Variants in GORAB observed in about 807,000 individuals in gnomAD.
GORAB encodes RAB6-interacting golgin.
A neutral mutation model predicts 29.9 loss-of-function variants in GORAB; 17 were observed. That is an observed-to-expected ratio of 0.57 (90% CI 0.39 to 0.85). The LOEUF (loss-of-function observed/expected upper bound fraction) is 0.85, where lower values mean the gene tolerates loss of function less well. GORAB is among the 40% of genes least tolerant of loss of function. GORAB has a pLI of 0.00. For synonymous variants in GORAB, 183 were observed against 157.2 expected, an observed-to-expected ratio of 1.16 and a Z score of -1.23; for missense variants, 442 against 437.8, an observed-to-expected ratio of 1.01 and a Z score of -0.09.
chr1:170,532,986 G>T (rs1022194292), intron 1 of GORAB, among the ~76,000 whole-genome samples: 1 of 152,106 alleles, frequency 6.6e-6, no homozygotes, highest in African/African-American at 2.4e-5. Context: ...TTTTGTTGTT[G>T]TGGAAGGAAT....
intron 1 of GORAB, chr1:170,532,488 C>T (rs1648755712): frequency 3.4e-6 from 2 of 584,366 alleles, no homozygotes; most frequent in South Asian, 1.9e-5. Flanking sequence ...GGACTGGGAT[C>T]TTCTTTTAGA....
chr1:170,532,237 G>A lies in GORAB; in HGVS notation c.14G>A (p.Trp5Ter), dbSNP rs761242807. The A allele has an allele frequency of 3.7e-6, 6 of 1,614,022 alleles. No homozygotes were observed. The highest frequency in any genetic ancestry group is 1.7e-5 in the Admixed American group (1 of 60,012). MAQG[W>*]AGFSEEELRR... is the part of the protein sequence containing the mutation. The stretch of plus-strand genomic sequence containing the variant: ...TGGCCCGGGCCGATGGCGCAAGGTT[G>A]GGCAGGATTCTCTGAGGAGGAACTG... The change falls in exon 1 of 5, where the codon TGG (tryptophan) becomes TAG (stop). Residue 5 changes from tryptophan to a stop codon, truncating the protein, a stop_gained. Coordinates refer to ENST00000367763, the MANE Select transcript of GORAB (RefSeq NM_152281.3). LOFTEE classifies it high-confidence loss of function.
At chr1:170,546,251 G>A (rs968526020) in intron 4 of GORAB, among the ~76,000 whole-genome samples, 5 of 152,060 alleles carry the variant, frequency 3.3e-5, no homozygotes, top group South Asian at 2.1e-4. Context: ...TTAGCTGGGC[G>A]TGGTGGTGGG....
chr1:170,545,021 T>G, intron 4 of GORAB, 176 bp downstream of exon 4: 1 of 1,341,760 alleles, frequency 7.5e-7, no homozygotes. Flanking sequence ...GAAGTCTTCC[T>G]TAACTCTGCC....
rs1007320609 is a variant in GORAB, at chr1:170,545,177, G to A, written c.662+332G>A. ...AGCATCTAGCAAAGTAAATATCTGAGTGGTTTCGCCAAAACTGTTACTCTG... is the reference window on the plus strand; with the variant it reads ...AGCATCTAGCAAAGTAAATATCTGAATGGTTTCGCCAAAACTGTTACTCTG... On this transcript the variant is annotated intron_variant, in intron 4 of 4. Coordinates refer to ENST00000367763, the MANE Select transcript of GORAB (RefSeq NM_152281.3). 40 of 1,020,784 alleles carry A rather than the reference G, an allele frequency of 3.9e-5. No homozygotes were observed. The African/African-American group carries it at 6.7e-4, about 17-fold the overall frequency. 63.2% of individuals were successfully genotyped at this position (1,020,784 alleles called of 1,614,324 possible). A position where few individuals can be genotyped will look rare whatever the true frequency, so the allele number is the denominator to read the frequency against.
At position 170,552,957 on chromosome 1, in the gene GORAB, T is replaced by C. The variant is rs1391772397; in HGVS notation, c.*495T>C. 1 of 451,620 alleles carries C rather than the reference T, an allele frequency of 2.2e-6. No individual in the cohort carries two copies. The highest frequency in any genetic ancestry group is 2.0e-5 in the African/African-American group (1 of 49,960). 28.0% of individuals were successfully genotyped at this position (451,620 alleles called of 1,614,324 possible). On this transcript the variant is annotated 3_prime_UTR_variant, in exon 5 of 5. Coordinates refer to ENST00000367763, the MANE Select transcript of GORAB (RefSeq NM_152281.3). Reference sequence around the variant, plus strand: ...AAAAAGTTGCAGGTTGAATTATCTATCTGGATATTACTAGAGTTGTAAAAC... The same window carrying C: ...AAAAAGTTGCAGGTTGAATTATCTACCTGGATATTACTAGAGTTGTAAAAC...
At chr1:170,543,864 GA>G (rs1649595175) in intron 3 of GORAB, among the ~76,000 whole-genome samples, 1 of 152,112 alleles carries the variant, frequency 6.6e-6, no homozygotes, top group African/African-American at 2.4e-5. Flanking sequence ...TGACGTAAAA[GA>G]ATCATACTGT....
intron 3 of GORAB, chr1:170,544,499 T>A: frequency 2.2e-6 from 1 of 455,896 alleles, no homozygotes; most frequent in Non-Finnish European, 3.9e-6. Context: ...ACTTATTTGT[T>A]ACTTTATGAA....
In GORAB at chr1:170,552,603, T is replaced by C. The variant is rs763413177; in HGVS notation, c.*141T>C. 9 of 791,950 alleles carry C rather than the reference T, an allele frequency of 1.1e-5. No homozygotes were observed. The African/African-American group carries it at 1.5e-4, about 13-fold the overall frequency. The allele number at this position is 791,950 out of a possible 1,614,324, so 49.1% of individuals were successfully genotyped here. ...TGATTAGTTTTAGTAAATTAATAGG[T>C]TTGGCCATTCTAAAATCCAAAATTA... is the stretch of plus-strand genomic sequence containing the variant. On this transcript the variant is annotated 3_prime_UTR_variant, in exon 5 of 5. Transcript: ENST00000367763.
In GORAB at chr1:170,552,544, A is replaced by C. The variant is rs540942923; in HGVS notation, c.*82A>C. 2 of 1,109,272 alleles carry C rather than the reference A, an allele frequency of 1.8e-6. No homozygotes were observed. The highest frequency in any genetic ancestry group is 3.1e-5 in the African/African-American group (2 of 65,236). 68.7% of individuals were successfully genotyped at this position (1,109,272 alleles called of 1,614,324 possible). A position where few individuals can be genotyped will look rare whatever the true frequency, so the allele number is the denominator to read the frequency against. On this transcript the variant is annotated 3_prime_UTR_variant, in exon 5 of 5. Transcript: ENST00000367763. ...AGATCATGCCCTGACCTCCAATAAA[A>C]ACCTCTTTAAAACAATGCTGATTTT...
At chr1:170,544,878 T>C in intron 4 of GORAB, 33 bp downstream of exon 4, 1 of 1,591,738 alleles carries the variant, frequency 6.3e-7, no homozygotes, top group Non-Finnish European at 8.6e-7. Flanking sequence ...GAACAAGGAG[T>C]ATGATTTAAT....
chr1:170,552,140 A>G lies in GORAB; in HGVS notation c.788A>G (p.Lys263Arg). The G allele has an allele frequency of 6.2e-7, 1 of 1,614,148 alleles. No homozygotes were observed. Among genetic ancestry groups the G allele is most frequent in the Non-Finnish European group, 8.5e-7 (1 of 1,179,966 alleles). Reference protein sequence around the residue: ...CTIIQQNELRKAKKLEELMQQ... With the variant: ...CTIIQQNELRRAKKLEELMQQ... ...ATCATACAGCAAAATGAGCTCCGAA[A>G]GGCCAAGAAGTTGGAGGAGTTGATG... The change falls in exon 5 of 5, where the codon AAG (lysine) becomes AGG (arginine). Residue 263 changes from lysine to arginine, a missense_variant. Transcript: ENST00000367763.
At position 170,539,447 on chromosome 1, in the gene GORAB, C is replaced by A. The variant is rs755379894; in HGVS notation, c.299C>A (p.Pro100Gln). The change falls in exon 2 of 5, where the codon CCA becomes CAA. Residue 100 changes from proline (P) to glutamine (Q), a missense_variant. By Grantham distance (76) the Pro-to-Gln change is moderately conservative. Transcript: ENST00000367763. ...ACCTCCCCCGTTGGTGATGGACAACCACAGGGCATTGAAAGTCAGCCAAAG... is the reference window on the plus strand; with the variant it reads ...ACCTCCCCCGTTGGTGATGGACAACAACAGGGCATTGAAAGTCAGCCAAAG... The part of the protein sequence containing the change: ...TLTSPVGDGQ[P>Q]QGIESQPKEL... The A allele has an allele frequency of 1.9e-5, 30 of 1,613,994 alleles. No individual in the cohort carries two copies. The East Asian group carries it at 6.7e-4, about 36-fold the overall frequency.
chr1:170,543,549 C>A (rs1446699391), intron 3 of GORAB, among the ~76,000 whole-genome samples: 1 of 150,602 alleles, frequency 6.6e-6, no homozygotes, highest in Non-Finnish European at 1.5e-5. Context: ...CTTGATCTTT[C>A]TTGAAGCATA....
At chr1:170,546,074 AGGT>A (rs1425433633) in intron 4 of GORAB, among the ~76,000 whole-genome samples, 7 of 152,160 alleles carry the variant, frequency 4.6e-5, no homozygotes, top group Non-Finnish European at 1.0e-4. Context: ...TCATATTATA[AGGT>A]AGAAGTACTA....
rs144791627 is a variant in GORAB at position 170,532,209 on chromosome 1, C to G, written c.-15C>G. The G allele has an allele frequency of 6.2e-7, 1 of 1,613,814 alleles. No individual in the cohort carries two copies. The highest frequency in any genetic ancestry group is 8.5e-7 in the Non-Finnish European group (1 of 1,179,998). On this transcript the variant is annotated 5_prime_UTR_variant, in exon 1 of 5. Transcript: ENST00000367763. ...GAGATTTGGGCACTTTTGGGGGTGC[C>G]GGTGGCCCGGGCCGATGGCGCAAGG...
At chr1:170,544,134 G>C (rs1649609484) in intron 3 of GORAB, among the ~76,000 whole-genome samples, 1 of 152,152 alleles carries the variant, frequency 6.6e-6, no homozygotes, top group Non-Finnish European at 1.5e-5. Flanking sequence ...AGGAAAATGA[G>C]TGTTTTGATG....
chr1:170,532,572 C>G, intron 1 of GORAB: 1 of 416,456 alleles, frequency 2.4e-6, no homozygotes, highest in Non-Finnish European at 4.5e-6. Flanking sequence ...GGAAGTGAGC[C>G]TACAGCCGGG....
chr1:170,542,375 A>G (rs1649485733), intron 2 of GORAB, 116 bp from the exon 3 acceptor site: 6 of 676,970 alleles, frequency 8.9e-6, no homozygotes, highest in South Asian at 1.7e-5. Flanking sequence ...GAACATATAC[A>G]TAAATCTTCT....
Sources: gnomAD v4.1 joint callset for allele counts (sites outside exome capture counted in the v4.1 genomes callset) on GRCh38, gnomAD v4.1.1 for gene constraint, MANE v1.5 for transcripts, NCBI Gene and HGNC (gene_info 2026-07-23, HGNC 2026-07-21) for gene names.